Variants in SON observed in about 807,000 individuals in gnomAD.
The protein encoded by SON is protein SON.
Under a neutral mutation model 173.3 loss-of-function variants are expected in SON, and 4 were observed. The observed-to-expected ratio is 0.02, with a 90% confidence interval of 0.01 to 0.05. SON has a LOEUF of 0.05. Among genes scored for constraint, SON ranks in the 10% least tolerant of loss-of-function variants. SON has a pLI of 1.00. For missense variants in SON, 2,626 were observed against 3,055.3 expected (o/e 0.86, Z 3.31); for synonymous variants, 1,190 against 1,105.9 (o/e 1.08, Z -1.51).
chr21:33,557,440 C>T (rs901201990), intron 4 of SON, 124 bp downstream of exon 4: 28 of 1,543,570 alleles, frequency 1.8e-5, no homozygotes, highest in Non-Finnish European at 2.3e-5. Context: ...GGCCAAAACC[C>T]GAAATACAGA....
intron 9 of SON, among the ~76,000 whole-genome samples, chr21:33,575,062 G>A (rs1223114777): frequency 6.6e-6 from 1 of 151,766 alleles, no homozygotes; most frequent in Non-Finnish European, 1.5e-5. Context: ...CTTTTTTTGA[G>A]ATGGAGTTTT....
At chr21:33,557,700 A>T (rs1435880437) in intron 4 of SON, 17 of 1,449,102 alleles carry the variant, frequency 1.2e-5, no homozygotes, top group Non-Finnish European at 1.5e-5. Context: ...AAAGACACAG[A>T]CAATCTTCAG....
At position 33,552,659 on chromosome 21, in the gene SON, C is replaced by A. The variant is rs1222264900; in HGVS notation, c.3428C>A (p.Ala1143Glu). The A allele has an allele frequency of 1.9e-6, 3 of 1,614,084 alleles. No individual in the cohort carries two copies. Among genetic ancestry groups the A allele is most frequent in the Non-Finnish European group, 2.5e-6 (3 of 1,180,008 alleles). Residue 1143 changes from alanine to glutamate, a missense_variant, in exon 3 of 12, where the codon GCA (alanine) becomes GAA (glutamate). This residue lies in a region of SON where 366 missense variants were observed against 448.6 expected (regional missense o/e 0.82). Coordinates refer to ENST00000356577, the MANE Select transcript of SON (RefSeq NM_138927.4). The surrounding 1 kb of genome is among the most constrained non-coding windows in gnomAD (Gnocchi z 5.6). ...TDSYTDTYTE[A>E]YMVPPLPPEE... Reference sequence around the variant, plus strand: ...TCTTACACTGACACATATACAGAGGCATATATGGTGCCACCTTTGCCTCCT... The same window carrying A: ...TCTTACACTGACACATATACAGAGGAATATATGGTGCCACCTTTGCCTCCT...
At position 33,550,785 on chromosome 21, in the gene SON, G is replaced by A; in HGVS notation, c.1554G>A (p.Gly518=). The A allele has an allele frequency of 6.2e-7, 1 of 1,614,184 alleles. No homozygotes were observed. The highest frequency in any genetic ancestry group is 8.5e-7 in the Non-Finnish European group (1 of 1,180,014). ...CGACAGAGTTGGAGCAGCCTGTGGG[G>A]ATGACAACGGTGGAACATCCTGGGC... ...VTTTELEQPV[G]MTTVEHPGHP... The change falls in exon 3 of 12, where the codon GGG becomes GGA. Residue 518 remains glycine, a synonymous_variant. Coordinates refer to ENST00000356577, the MANE Select transcript of SON (RefSeq NM_138927.4).
intron 2 of SON, among the ~76,000 whole-genome samples, chr21:33,548,752 G>C (rs1374056648): frequency 4.6e-5 from 7 of 152,150 alleles, no homozygotes; most frequent in Non-Finnish European, 4.4e-5. Flanking sequence ...GTATAAACAA[G>C]GGTTAATAAT....
chr21:33,560,034 T>A, intron 6 of SON: 1 of 1,614,144 alleles, frequency 6.2e-7, no homozygotes, highest in South Asian at 1.1e-5. Flanking sequence ...CTACCCAACA[T>A]TGGGCCCTCC....
Position 33,555,376 on chromosome 21 carries a change from C to G in SON, c.6145C>G (p.Arg2049Gly). The G allele has an allele frequency of 6.4e-7, 1 of 1,550,840 alleles. No homozygotes were observed. Reference protein sequence around the residue: ...RSSERGRSPKRLTDLDKAQLL... With the variant: ...RSSERGRSPKGLTDLDKAQLL... ...TTCTGAACGAGGCAGATCACCCAAA[C>G]GTCTGACAGATTTGGGTGAGTCATT... is the stretch of plus-strand genomic sequence containing the variant. The change falls in exon 3 of 12, where the codon CGT becomes GGT. Residue 2049 changes from arginine (R) to glycine (G), a missense_variant. Physicochemically the swap from Arg to Gly is moderately radical, Grantham distance 125. Coordinates refer to ENST00000356577, the MANE Select transcript of SON (RefSeq NM_138927.4).
At chr21:33,569,618 C>T (rs1021914358) in intron 8 of SON, 1 of 464,384 alleles carries the variant, frequency 2.2e-6, no homozygotes, top group Non-Finnish European at 4.5e-6. Flanking sequence ...CCGTTCCTCA[C>T]TCCTCTTGTG....
intron 6 of SON, among the ~76,000 whole-genome samples, chr21:33,566,847 G>A (rs960806627): frequency 3.9e-5 from 6 of 152,080 alleles, no homozygotes; most frequent in Admixed American, 6.5e-5. Context: ...GAAGAGTAGC[G>A]AGTTTTAAGT....
intron 1 of SON, among the ~76,000 whole-genome samples, chr21:33,543,652 G>T (rs868073536): frequency 6.6e-6 from 1 of 152,228 alleles, no homozygotes; most frequent in Non-Finnish European, 1.5e-5. Flanking sequence ...CAGACCGCTT[G>T]GGGGTCTGGA....
intron 4 of SON, chr21:33,557,895 ACACTTATTTTT>A (rs959720002): frequency 8.0e-6 from 2 of 248,804 alleles, no homozygotes; most frequent in African/African-American, 2.3e-5. Context: ...TATTTTAAAC[ACACTTATTTTT>A]GTTTTTAAAA....
chr21:33,555,475 A>G, intron 3 of SON, 84 bp downstream of exon 3: 11 of 1,249,024 alleles, frequency 8.8e-6, no homozygotes, highest in Non-Finnish European at 1.2e-5. Context: ...CAAGTGAAAT[A>G]CTTAGTTACT....
At position 33,553,659 on chromosome 21, in the gene SON, T is replaced by C. The variant is rs2085874403; in HGVS notation, c.4428T>C (p.Ser1476=). 1.2e-6 allele frequency: 2 copies of C among 1,613,250 alleles called. No individual in the cohort carries two copies. The highest frequency in any genetic ancestry group is 1.7e-6 in the Non-Finnish European group (2 of 1,179,202). Residue 1476 remains serine (S), a synonymous_variant, in exon 3 of 12, where the codon TCT becomes TCC. Coordinates refer to ENST00000356577, the MANE Select transcript of SON (RefSeq NM_138927.4). ...AGTCCACACCAATGATACTGGAATC[T>C]AGTATCATGTCATCACATGTTATGA... The part of the protein sequence containing the change: ...AIESTPMILE[S]SIMSSHVMKG...
At chr21:33,572,893 A>C (rs1386557888) in intron 8 of SON, 1 of 242,238 alleles carries the variant, frequency 4.1e-6, no homozygotes, top group Non-Finnish European at 8.3e-6. Flanking sequence ...ACTATTTCTA[A>C]GTGATTTCTG....
chr21:33,551,425 G>A lies in SON; in HGVS notation c.2194G>A (p.Asp732Asn). 1 of 1,614,066 alleles carries A rather than the reference G, an allele frequency of 6.2e-7. No homozygotes were observed. The highest frequency in any genetic ancestry group is 1.1e-5 in the South Asian group (1 of 91,084). ...CCATATATTAGCATCCAACACCATG[G>A]ACTCCCAAATGCTAGCGTCCAACAC... is the stretch of plus-strand genomic sequence containing the variant. ...ETHILASNTM[D>N]SQMLASNTMD... Residue 732 changes from aspartate to asparagine, a missense_variant, in exon 3 of 12, where the codon GAC becomes AAC. By Grantham distance (23) the Asp-to-Asn change is conservative (BLOSUM62 1). This residue lies in a region of SON where 182 missense variants were observed against 193.6 expected (regional missense o/e 0.94). Transcript: ENST00000356577.
chr21:33,557,470 C>T, intron 4 of SON, 154 bp downstream of exon 4: 1 of 1,547,942 alleles, frequency 6.5e-7, no homozygotes, highest in Non-Finnish European at 8.7e-7. Context: ...GGCAGAAGCT[C>T]TGTTTAGCAG....
intron 4 of SON, chr21:33,558,582 C>T (rs1370390976): frequency 6.6e-6 from 1 of 152,172 alleles, no homozygotes; most frequent in African/African-American, 2.4e-5. Flanking sequence ...CTAATCCAAG[C>T]TCCTTATCCA....
In SON at chr21:33,551,842, A is replaced by C; in HGVS notation, c.2611A>C (p.Met871Leu). The change falls in exon 3 of 12, where the codon ATG becomes CTG. Residue 871 changes from methionine (M) to leucine (L), a missense_variant. Physicochemically the swap from Met to Leu is conservative, Grantham distance 15. This residue lies in a region of SON where 366 missense variants were observed against 448.6 expected (regional missense o/e 0.82). Transcript: ENST00000356577. The part of the protein sequence containing the change: ...MDSQMLASGT[M>L]DSQMLASGTM... ...TTCCCAGATGTTAGCATCTGGCACT[A>C]TGGACTCTCAAATGTTAGCTTCTGG... 6.2e-7 allele frequency: 1 copy of C among 1,613,892 alleles called. No individual in the cohort carries two copies. The highest frequency in any genetic ancestry group is 8.5e-7 in the Non-Finnish European group (1 of 1,179,998).
In SON at chr21:33,543,495, A is replaced by G. The variant is rs527669050; in HGVS notation, c.77+326A>G. On this transcript the variant is annotated intron_variant, in intron 1 of 11. Coordinates refer to ENST00000356577, the MANE Select transcript of SON (RefSeq NM_138927.4). ...CCGGTTGTCCGCCAGGGACGGGCCT[A>G]GTTCCTTCCTCAGCTCCTCCTCCGC... The G allele has an allele frequency of 1.6e-3, 554 of 349,392 alleles. 2 individuals carry two copies. The highest frequency in any genetic ancestry group is 2.7e-3 in the Non-Finnish European group (500 of 186,540). 21.6% of individuals were successfully genotyped at this position (349,392 alleles called of 1,614,324 possible).
Sources: allele counts gnomAD v4.1 joint callset (sites outside exome capture counted in the v4.1 genomes callset), GRCh38; gene constraint gnomAD v4.1.1; regional missense constraint gnomAD v4.1.1; non-coding constraint Gnocchi (gnomAD v3.1); transcripts MANE v1.5; gene names NCBI Gene and HGNC (gene_info 2026-07-23, HGNC 2026-07-21).